Variants in NAP1L4 observed in about 807,000 individuals in gnomAD.
The protein encoded by NAP1L4 is nucleosome assembly protein 1 like 4.
Under a neutral mutation model 58.2 loss-of-function variants are expected in NAP1L4, and 15 were observed. The ratio of observed to expected loss-of-function variants is 0.26; its 90% CI spans 0.17 to 0.40. NAP1L4 has a LOEUF of 0.40. NAP1L4 is among the 10% of genes least tolerant of loss of function. The pLI is 1.00. For synonymous variants in NAP1L4, 171 were observed against 155.6 expected (o/e 1.10, Z -0.74); for missense variants, 384 against 451.1 (o/e 0.85, Z 1.35).
In NAP1L4 at chr11:2,951,849, A is replaced by G; in HGVS notation, c.1036-40T>C. The G allele has an allele frequency of 2.7e-5, 43 of 1,601,838 alleles. No homozygotes were observed. The highest frequency in any genetic ancestry group is 3.6e-5 in the Non-Finnish European group (42 of 1,169,390). ...AAAAACATTTTTAGGTTTACAAAACATGACAGCAGCCTGCCCAAGACACCA... is the reference window on the plus strand; with the variant it reads ...AAAAACATTTTTAGGTTTACAAAACGTGACAGCAGCCTGCCCAAGACACCA... On this transcript the variant is annotated intron_variant, in intron 12 of 15. Transcript: ENST00000380542. This position sits in a 1 kb window ranked among gnomAD's most constrained non-coding sequence, Gnocchi z 4.0.
At chr11:2,963,822 C>T (rs764058606) in intron 8 of NAP1L4, 10 of 519,158 alleles carry the variant, frequency 1.9e-5, no homozygotes, top group East Asian at 1.6e-4. Context: ...AGTCATGTGT[C>T]GCTGGAAATG....
At chr11:2,958,849 G>A in intron 9 of NAP1L4, 1 of 335,740 alleles carries the variant, frequency 3.0e-6, no homozygotes, top group Non-Finnish European at 5.5e-6. Context: ...CGTCAAGTCT[G>A]CATGATGCAC....
intron 3 of NAP1L4, among the ~76,000 whole-genome samples, chr11:2,977,464 T>C (rs1048024546): frequency 6.6e-6 from 1 of 152,208 alleles, no homozygotes; most frequent in Non-Finnish European, 1.5e-5. Flanking sequence ...ACTGTGAGCA[T>C]TCTATAAGAC....
intron 1 of NAP1L4, among the ~76,000 whole-genome samples, 174 bp from the exon 2 acceptor site, chr11:2,979,411 C>T (rs1458520886): frequency 6.6e-6 from 1 of 152,186 alleles, no homozygotes; most frequent in African/African-American, 2.4e-5. Context: ...AGTATATACA[C>T]TTGTTAAAGC....
At chr11:2,970,087 G>A (rs751438608) in intron 6 of NAP1L4, among the ~76,000 whole-genome samples, 153 bp from the exon 7 acceptor site, 2 of 152,168 alleles carry the variant, frequency 1.3e-5, no homozygotes, top group African/African-American at 2.4e-5. Context: ...TGGGCCACGC[G>A]ACACTTTTCA....
intron 8 of NAP1L4, among the ~76,000 whole-genome samples, chr11:2,962,873 G>A (rs748895151): frequency 2.6e-5 from 4 of 151,908 alleles, no homozygotes; most frequent in Admixed American, 6.6e-5. Flanking sequence ...AGGCTGAGGC[G>A]GGTGGATCAC....
rs936051551 is a variant in NAP1L4, at chr11:2,951,597, T to C, written c.1065+183A>G. The stretch of plus-strand genomic sequence containing the variant: ...GAACCAACTGCAGGGTCAAAAACGA[T>C]GGAAACTGTCACAGCATTTGCTATG... On this transcript the variant is annotated intron_variant, in intron 13 of 15. Coordinates refer to ENST00000380542, the MANE Select transcript of NAP1L4 (RefSeq NM_005969.4). The surrounding 1 kb of genome is among the most constrained non-coding windows in gnomAD (Gnocchi z 4.0). Among the ~76,000 whole-genome samples, 1 of 152,220 alleles carries C rather than the reference T, an allele frequency of 6.6e-6. No individual in the cohort carries two copies. The highest frequency in any genetic ancestry group is 6.5e-5 in the Admixed American group (1 of 15,284).
At chr11:2,957,858 T>C (rs1181089499) in intron 10 of NAP1L4, among the ~76,000 whole-genome samples, 2 of 152,188 alleles carry the variant, frequency 1.3e-5, no homozygotes, top group Non-Finnish European at 2.9e-5. Flanking sequence ...CAAAAAATTC[T>C]ATCAAATTAT....
chr11:2,978,740 A>G (rs1360966599), intron 2 of NAP1L4, among the ~76,000 whole-genome samples: 1 of 152,264 alleles, frequency 6.6e-6, no homozygotes, highest in African/African-American at 2.4e-5. Context: ...CCAAGTTAAG[A>G]CAGTGCCCAA....
At chr11:2,966,088 T>A (rs1858796) in intron 7 of NAP1L4, among the ~76,000 whole-genome samples, 1 of 152,198 alleles carries the variant, frequency 6.6e-6, no homozygotes, top group East Asian at 1.9e-4. Context: ...ATTTGTAACA[T>A]GGCAGTCACT....
At position 2,954,424 on chromosome 11, in the gene NAP1L4, A is replaced by G; in HGVS notation, c.1035+103T>C. ...CTACATATCTGGCTGATGATGTAAT[A>G]AAAAGATTAGGCATGGGGGTTTCCT... On this transcript the variant is annotated intron_variant, in intron 12 of 15. Coordinates refer to ENST00000380542, the MANE Select transcript of NAP1L4 (RefSeq NM_005969.4). The surrounding 1 kb of genome is among the most constrained non-coding windows in gnomAD (Gnocchi z 4.8). 2 of 1,532,390 alleles carry G rather than the reference A, an allele frequency of 1.3e-6. No individual in the cohort carries two copies. The highest frequency in any genetic ancestry group is 1.8e-6 in the Non-Finnish European group (2 of 1,109,682). The allele number at this position is 1,532,390 out of a possible 1,614,324, so 94.9% of individuals were successfully genotyped here. A position where few individuals can be genotyped will look rare whatever the true frequency, so the allele number is the denominator to read the frequency against.
At chr11:2,968,405 A>G (rs1590243600) in intron 7 of NAP1L4, among the ~76,000 whole-genome samples, 1 of 152,058 alleles carries the variant, frequency 6.6e-6, no homozygotes, top group Non-Finnish European at 1.5e-5. Flanking sequence ...CATTCTTTTA[A>G]AAGTATGGTC....
rs1329362090 is a variant in NAP1L4, at chr11:2,948,878, C to T, written c.*32+349G>A. Among the ~76,000 whole-genome samples the T allele has an allele frequency of 6.6e-6, 1 of 152,220 alleles. No individual in the cohort carries two copies. The highest frequency in any genetic ancestry group is 2.4e-5 in the African/African-American group (1 of 41,454). ...AGCTGGGACAGCCCAGTGTGTTATG[C>T]TCTCTGCAAGGACTGCTTGCTTATG... is the stretch of plus-strand genomic sequence containing the variant. On this transcript the variant is annotated intron_variant, in intron 15 of 15. Transcript: ENST00000380542. This position sits in a 1 kb window ranked among gnomAD's most constrained non-coding sequence, Gnocchi z 5.1.
intron 10 of NAP1L4, among the ~76,000 whole-genome samples, chr11:2,956,141 A>G (rs1358622407): frequency 6.6e-6 from 1 of 152,258 alleles, no homozygotes; most frequent in Non-Finnish European, 1.5e-5. Context: ...CATGTCCCGC[A>G]GAACTATACA....
chr11:2,971,772 A>G lies in NAP1L4; in HGVS notation c.316-238T>C, dbSNP rs546126478. 2.9e-4 allele frequency among the ~76,000 whole-genome samples: 44 copies of G among 152,358 alleles called. No individual in the cohort carries two copies. Among genetic ancestry groups the G allele is most frequent in the Admixed American group, 1.4e-3 (21 of 15,308 alleles). On this transcript the variant is annotated intron_variant, in intron 5 of 15. Coordinates refer to ENST00000380542, the MANE Select transcript of NAP1L4 (RefSeq NM_005969.4). The surrounding 1 kb of genome is among the most constrained non-coding windows in gnomAD (Gnocchi z 4.2). ...GTCCCCGATTTCCAATGGTTCAGCT[A>G]AAGATTTTCAACTTCCTGATGGTGC...
At position 2,971,544 on chromosome 11, in the gene NAP1L4, A is replaced by T; in HGVS notation, c.316-10T>A. On this transcript the variant is annotated splice_polypyrimidine_tract_variant and intron_variant, in intron 5 of 15. Transcript: ENST00000380542. The surrounding 1 kb of genome is among the most constrained non-coding windows in gnomAD (Gnocchi z 4.2). ...TGATAAATTCTCTTCTCTACATAAA[A>T]ATGAGACCTTATTAGAATTATGTTA... 6.2e-7 allele frequency: 1 copy of T among 1,609,468 alleles called. No homozygotes were observed. The highest frequency in any genetic ancestry group is 8.5e-7 in the Non-Finnish European group (1 of 1,177,114).
Position 2,949,266 on chromosome 11 carries a change from T to C in NAP1L4, c.1123-2A>G, listed in dbSNP as rs1182031396. Reference sequence around the variant, plus strand: ...ATGATTAACAGACAAAAATTACACCTAAATGGGGAAAAAAATTGAAAGGAA... The same window carrying C: ...ATGATTAACAGACAAAAATTACACCCAAATGGGGAAAAAAATTGAAAGGAA... On this transcript the variant is annotated splice_acceptor_variant, in intron 14 of 15. Transcript: ENST00000380542. LOFTEE classifies it high-confidence loss of function. This position sits in a 1 kb window ranked among gnomAD's most constrained non-coding sequence, Gnocchi z 4.0. 2 of 1,597,222 alleles carry C rather than the reference T, an allele frequency of 1.3e-6. No individual in the cohort carries two copies. The highest frequency in any genetic ancestry group is 1.7e-5 in the Admixed American group (1 of 59,954).
chr11:2,956,765 T>C (rs1046215300), intron 10 of NAP1L4, among the ~76,000 whole-genome samples: 6 of 152,246 alleles, frequency 3.9e-5, no homozygotes, highest in African/African-American at 1.4e-4. Context: ...TGAACACTCA[T>C]ACTTCTGGAC....
rs1590227963 is a variant in NAP1L4 at position 2,958,626 on chromosome 11, C to A, written c.747-82G>T. ...AATGCATGCAGGAAGCAAACCACAG[C>A]TCTATGCCAAACCTGGAAAACGAAA... On this transcript the variant is annotated intron_variant, in intron 9 of 15. Transcript: ENST00000380542. 1.4e-5 allele frequency: 20 copies of A among 1,413,394 alleles called. No individual in the cohort carries two copies. In the East Asian group the frequency reaches 4.6e-4, roughly 33 times the overall value. 87.6% of individuals were successfully genotyped at this position (1,413,394 alleles called of 1,614,324 possible).
Sources: allele counts gnomAD v4.1 joint callset (sites outside exome capture counted in the v4.1 genomes callset), GRCh38; gene constraint gnomAD v4.1.1; non-coding constraint Gnocchi (gnomAD v3.1); transcripts MANE v1.5; gene names NCBI Gene and HGNC (gene_info 2026-07-23, HGNC 2026-07-21).